The following SORCS2 variants were observed in gnomAD, a reference collection of about 807,000 sequenced individuals.
The protein encoded by SORCS2 is sortilin related VPS10 domain containing receptor 2, also known as VPS10 domain-containing receptor SorCS2.
Under a neutral mutation model 141.6 loss-of-function variants are expected in SORCS2, and 100 were observed. That is an observed-to-expected ratio of 0.71 (90% confidence interval 0.60 to 0.83). The LOEUF is 0.83. SORCS2 is among the 40% of genes least tolerant of loss of function. The pLI, the probability that SORCS2 is intolerant of heterozygous loss-of-function variation, is 0.00. For missense variants in SORCS2, 1,646 were observed against 1,560.2 expected (o/e 1.05, Z -0.93); for synonymous variants, 789 against 676.9 (o/e 1.17, Z -2.57).
At chr4:7,715,509 C>G (rs998946573) in intron 17 of SORCS2, among the ~76,000 whole-genome samples, 198 bp downstream of exon 17, 1 of 152,252 alleles carries the variant, frequency 6.6e-6, no homozygotes, top group Non-Finnish European at 1.5e-5. Flanking sequence ...CACCAGACAT[C>G]ATGAGTGAAT....
chr4:7,356,241 G>A (rs1236719861), intron 1 of SORCS2, among the ~76,000 whole-genome samples: 1 of 152,260 alleles, frequency 6.6e-6, no homozygotes, highest in Non-Finnish European at 1.5e-5. Flanking sequence ...GATACAGTAT[G>A]CATTTTGCTG....
At chr4:7,361,663 G>A (rs969039781) in intron 1 of SORCS2, among the ~76,000 whole-genome samples, 14 of 152,160 alleles carry the variant, frequency 9.2e-5, no homozygotes, top group Middle Eastern at 3.4e-3. Context: ...CAGGAGACAC[G>A]CCCACAGTGA....
chr4:7,378,938 C>T (rs1240973493), intron 1 of SORCS2, among the ~76,000 whole-genome samples: 1 of 152,122 alleles, frequency 6.6e-6, no homozygotes, highest in African/African-American at 2.4e-5. Flanking sequence ...TTTAATTGAC[C>T]CTGGCTGAGT....
chr4:7,643,999 A>T (rs1236377024), intron 4 of SORCS2, among the ~76,000 whole-genome samples: 1 of 152,158 alleles, frequency 6.6e-6, no homozygotes, highest in African/African-American at 2.4e-5. Context: ...TGCTCTAAGA[A>T]TTTTCATCTG....
intron 26 of SORCS2, 37 bp downstream of exon 26, chr4:7,737,209 C>T: frequency 6.5e-7 from 1 of 1,549,660 alleles, no homozygotes; most frequent in East Asian, 2.4e-5. Flanking sequence ...GACTCGCAGA[C>T]TCTAGGTAAC....
chr4:7,639,298 C>G (rs1359133546), intron 4 of SORCS2, among the ~76,000 whole-genome samples: 1 of 152,228 alleles, frequency 6.6e-6, no homozygotes, highest in Non-Finnish European at 1.5e-5. Flanking sequence ...GGGAGGAGTC[C>G]AACCCTGCCT....
At chr4:7,482,813 C>T (rs993062028) in intron 2 of SORCS2, among the ~76,000 whole-genome samples, 6 of 149,378 alleles carry the variant, frequency 4.0e-5, no homozygotes, top group African/African-American at 1.3e-4. Flanking sequence ...CCTGTATCCC[C>T]ACTGCGGACA....
In SORCS2 at chr4:7,652,857, C is replaced by T. The variant is rs141037478; in HGVS notation, c.814-1277C>T. On this transcript the variant is annotated intron_variant, in intron 4 of 26. Transcript: ENST00000507866. ...TGGGCAGGGCCAGCTGTGTGATTTG[C>T]AGGGTGCAGTGCAAAGTGAAAAATG... 5.6e-4 allele frequency among the ~76,000 whole-genome samples: 86 copies of T among 152,324 alleles called. 2 individuals are homozygous for T. The East Asian group carries it at 0.014, about 26-fold the overall frequency.
chr4:7,229,551 G>A (rs1172452309), intron 1 of SORCS2, among the ~76,000 whole-genome samples: 1 of 152,226 alleles, frequency 6.6e-6, no homozygotes, highest in Admixed American at 6.5e-5. Context: ...TCCTCCTTCC[G>A]GAGCTTGCCT....
chr4:7,678,684 G>A (rs1035909063), intron 9 of SORCS2, among the ~76,000 whole-genome samples: 2 of 149,638 alleles, frequency 1.3e-5, no homozygotes, highest in Non-Finnish European at 3.0e-5. Flanking sequence ...GTTCGCAGTG[G>A]CCCGGTTCAA....
intron 2 of SORCS2, among the ~76,000 whole-genome samples, chr4:7,456,808 A>G (rs966353213): frequency 6.6e-6 from 1 of 152,106 alleles, no homozygotes; most frequent in African/African-American, 2.4e-5. Context: ...CTCGACGATC[A>G]GTGTGGAGGG....
intron 3 of SORCS2, among the ~76,000 whole-genome samples, chr4:7,610,250 C>A (rs1718320269): frequency 6.6e-6 from 1 of 152,170 alleles, no homozygotes; most frequent in Non-Finnish European, 1.5e-5. Context: ...TCACGCCCAC[C>A]CCTCCCTGCC....
At chr4:7,241,449 T>G (rs578254941) in intron 1 of SORCS2, among the ~76,000 whole-genome samples, 1 of 152,296 alleles carries the variant, frequency 6.6e-6, no homozygotes, top group East Asian at 1.9e-4. Flanking sequence ...TTTCCTCACC[T>G]GGACGTGGAA....
intron 5 of SORCS2, among the ~76,000 whole-genome samples, chr4:7,660,902 GC>G (rs1391161284): frequency 3.3e-5 from 5 of 152,172 alleles, no homozygotes; most frequent in Non-Finnish European, 7.3e-5. Context: ...GGCTGAGAGA[GC>G]AATCTTCCCA....
chr4:7,674,105 T>C (rs1489646768), intron 8 of SORCS2, among the ~76,000 whole-genome samples: 3 of 152,042 alleles, frequency 2.0e-5, no homozygotes, highest in East Asian at 3.9e-4. Context: ...GCATCACCCA[T>C]GGTCCCACTT....
intron 2 of SORCS2, among the ~76,000 whole-genome samples, chr4:7,477,232 G>C (rs534375866): frequency 6.6e-6 from 1 of 152,382 alleles, no homozygotes; most frequent in South Asian, 2.1e-4. Flanking sequence ...GGAATAGCCT[G>C]AGTCATTCAG....
intron 1 of SORCS2, among the ~76,000 whole-genome samples, chr4:7,273,673 G>C (rs1399526254): frequency 6.6e-6 from 1 of 152,236 alleles, no homozygotes; most frequent in Non-Finnish European, 1.5e-5. Context: ...GAGGCATGCA[G>C]CTTGCAGGAG....
At chr4:7,497,540 G>A (rs1446265937) in intron 2 of SORCS2, among the ~76,000 whole-genome samples, 1 of 152,240 alleles carries the variant, frequency 6.6e-6, no homozygotes, top group Non-Finnish European at 1.5e-5. Flanking sequence ...CAGGGGTCAG[G>A]CAAGTCACAC....
intron 2 of SORCS2, among the ~76,000 whole-genome samples, chr4:7,509,974 A>G (rs1019725019): frequency 5.3e-5 from 8 of 152,242 alleles, no homozygotes; most frequent in African/African-American, 1.7e-4. Flanking sequence ...TGCCATGAGT[A>G]GAATAATCCC....
Sources: allele counts gnomAD v4.1 joint callset (sites outside exome capture counted in the v4.1 genomes callset), GRCh38; gene constraint gnomAD v4.1.1; transcripts MANE v1.5; gene names NCBI Gene and HGNC (gene_info 2026-07-23, HGNC 2026-07-21).